The following NRG1 variants were observed in gnomAD, a reference collection of about 807,000 sequenced individuals.
The protein encoded by NRG1 is pro-neuregulin-1, membrane-bound isoform.
A neutral mutation model predicts 63.8 loss-of-function variants in NRG1; 18 were observed. That is an observed-to-expected ratio of 0.28 (90% CI 0.19 to 0.42). The LOEUF (loss-of-function observed/expected upper bound fraction) is 0.42. Ranked by LOEUF, NRG1 falls within the 10% of genes least tolerant of loss-of-function variation. The probability of loss-of-function intolerance (pLI) is 1.00; values close to 1 mark genes in which losing one functional copy is unlikely to be tolerated. For synonymous variants in NRG1, 302 were observed against 301.3 expected (o/e 1.00, Z -0.02); for missense variants, 762 against 814.7 (o/e 0.94, Z 0.79).
intron 1 of NRG1, among the ~76,000 whole-genome samples, chr8:31,820,966 A>T (rs1399650856): frequency 6.6e-6 from 1 of 152,184 alleles, no homozygotes; most frequent in African/African-American, 2.4e-5. Flanking sequence ...TCCCAGAGAT[A>T]CCAAAATCCA....
At chr8:31,854,203 G>T (rs1827582250) in intron 1 of NRG1, among the ~76,000 whole-genome samples, 3 of 151,478 alleles carry the variant, frequency 2.0e-5, no homozygotes, top group African/African-American at 7.2e-5. Flanking sequence ...GTTCCTCCTT[G>T]TACCTCTGGT....
chr8:32,577,963 A>G (rs1403608769), intron 1 of NRG1, among the ~76,000 whole-genome samples: 2 of 152,126 alleles, frequency 1.3e-5, no homozygotes, highest in East Asian at 1.9e-4. Flanking sequence ...AGGCAGGTCT[A>G]TGGGCCTATT....
intron 1 of NRG1, among the ~76,000 whole-genome samples, chr8:32,030,197 C>G (rs186594372): frequency 6.6e-6 from 1 of 152,278 alleles, no homozygotes; most frequent in Non-Finnish European, 1.5e-5. Flanking sequence ...ATCTGTCATA[C>G]TACATATGTG....
intron 1 of NRG1, among the ~76,000 whole-genome samples, chr8:31,719,636 A>G (rs1243876037): frequency 6.6e-6 from 1 of 152,164 alleles, no homozygotes; most frequent in Non-Finnish European, 1.5e-5. Flanking sequence ...TAGAATGCTT[A>G]TACTACTTTT....
At chr8:32,464,988 C>T (rs1285411471) in intron 1 of NRG1, among the ~76,000 whole-genome samples, 3 of 151,860 alleles carry the variant, frequency 2.0e-5, no homozygotes. Flanking sequence ...CAGCCTGGCC[C>T]ACATGGTGAA....
intron 1 of NRG1, among the ~76,000 whole-genome samples, chr8:32,261,229 C>A (rs1850330838): frequency 6.6e-6 from 1 of 152,028 alleles, no homozygotes; most frequent in Admixed American, 6.6e-5. Flanking sequence ...TCAGACTTTA[C>A]TCATATTTCA....
chr8:31,909,456 A>G (rs1344182534), intron 1 of NRG1, among the ~76,000 whole-genome samples: 2 of 152,128 alleles, frequency 1.3e-5, no homozygotes, highest in Non-Finnish European at 2.9e-5. Flanking sequence ...TTGCCCAAGG[A>G]AGTTGTCTCC....
chr8:32,567,245 G>A (rs1401801043), intron 1 of NRG1, among the ~76,000 whole-genome samples: 2 of 152,218 alleles, frequency 1.3e-5, no homozygotes, highest in Non-Finnish European at 1.5e-5. Context: ...AATGCCTCAA[G>A]TGGGGAAGGG....
chr8:32,449,044 C>T (rs1820634503), intron 1 of NRG1, among the ~76,000 whole-genome samples: 1 of 152,132 alleles, frequency 6.6e-6, no homozygotes, highest in East Asian at 1.9e-4. Flanking sequence ...CCTCTAATCC[C>T]AACGATTTGA....
intron 1 of NRG1, among the ~76,000 whole-genome samples, chr8:31,804,889 A>G (rs1822124777): frequency 1.3e-5 from 2 of 152,220 alleles, no homozygotes; most frequent in Admixed American, 1.3e-4. Context: ...AGTTGATAGA[A>G]AACTACCCAT....
At chr8:32,182,662 T>C (rs1841558039) in intron 1 of NRG1, among the ~76,000 whole-genome samples, 1 of 152,210 alleles carries the variant, frequency 6.6e-6, no homozygotes, top group Non-Finnish European at 1.5e-5. Context: ...CTGACCTCTC[T>C]TCCCTCCTAT....
At chr8:32,741,647 G>A (rs560384573) in intron 6 of NRG1, among the ~76,000 whole-genome samples, 1 of 152,102 alleles carries the variant, frequency 6.6e-6, no homozygotes, top group Admixed American at 6.6e-5. Flanking sequence ...TCATGTTAGC[G>A]CTTATCAAAA....
In NRG1 at chr8:32,749,479, G is replaced by A. The variant is rs1828246714; in HGVS notation, c.692-4893G>A. ...GAGAGCCATAATAGTCATGTGTAATGTGTTTTGGAGTGCAGTGTATTGCTC... is the reference window on the plus strand; with the variant it reads ...GAGAGCCATAATAGTCATGTGTAATATGTTTTGGAGTGCAGTGTATTGCTC... On this transcript the variant is annotated intron_variant, in intron 7 of 11. Transcript: ENST00000356819. 23 of 1,327,984 alleles carry A rather than the reference G, an allele frequency of 1.7e-5. No individual in the cohort carries two copies. The South Asian group carries it at 2.7e-4, about 16-fold the overall frequency. 82.3% of individuals were successfully genotyped at this position (1,327,984 alleles called of 1,614,324 possible).
intron 1 of NRG1, among the ~76,000 whole-genome samples, chr8:31,730,859 T>C (rs879159561): frequency 3.3e-5 from 5 of 152,316 alleles, no homozygotes; most frequent in Admixed American, 3.3e-4. Context: ...ACTTGGAACA[T>C]GTATTCTAAA....
At chr8:32,770,483 A>G (rs7005705), downstream of NRG1, among the ~76,000 whole-genome samples, 150,523 of 152,292 alleles carry the variant, frequency 0.99, 74,416 homozygotes, top group East Asian at 1. Context: ...TTCAACCTTT[A>G]TGTATACAGT....
chr8:32,486,992 G>C (rs1019894671), intron 1 of NRG1, among the ~76,000 whole-genome samples: 5 of 152,060 alleles, frequency 3.3e-5, no homozygotes, highest in African/African-American at 1.2e-4. Context: ...TTAATAGCAG[G>C]TGTCTGATAC....
chr8:32,242,333 G>A (rs750186833), intron 1 of NRG1, among the ~76,000 whole-genome samples: 19 of 152,054 alleles, frequency 1.2e-4, no homozygotes, highest in Non-Finnish European at 2.8e-4. Context: ...AATTAGGGGA[G>A]TGTGGTGGTG....
intron 5 of NRG1, chr8:32,722,114 T>A: frequency 7.9e-7 from 1 of 1,258,262 alleles, no homozygotes; most frequent in Non-Finnish European, 1.1e-6. Flanking sequence ...AATGTGCATA[T>A]TTTATTAAGC....
intron 1 of NRG1, among the ~76,000 whole-genome samples, chr8:31,758,414 A>G (rs1339563787): frequency 1.3e-5 from 2 of 152,190 alleles, no homozygotes; most frequent in Non-Finnish European, 2.9e-5. Flanking sequence ...ACACATGCAC[A>G]TGTATGTCTA....
Sources: allele counts gnomAD v4.1 joint callset (sites outside exome capture counted in the v4.1 genomes callset), GRCh38; gene constraint gnomAD v4.1.1; transcripts MANE v1.5; gene names NCBI Gene and HGNC (gene_info 2026-07-23, HGNC 2026-07-21).